Variants in GALNT6 observed in about 807,000 individuals in gnomAD.
The protein encoded by GALNT6 is polypeptide N-acetylgalactosaminyltransferase 6.
GALNT6 carries 51 observed loss-of-function variants against 65.9 expected under a neutral mutation model. The ratio of observed to expected loss-of-function variants is 0.77; its 90% CI spans 0.62 to 0.98. The LOEUF (loss-of-function observed/expected upper bound fraction) is 0.98. Among genes scored for constraint, GALNT6 ranks in the 50% least tolerant of loss-of-function variants. GALNT6 has a pLI of 0.00. For synonymous variants in GALNT6, 323 were observed against 315.1 expected (o/e 1.02, Z -0.26); for missense variants, 708 against 803.3 (o/e 0.88, Z 1.43).
chr12:51,363,218 T>G (rs1352216188), intron 6 of GALNT6, among the ~76,000 whole-genome samples: 1 of 152,170 alleles, frequency 6.6e-6, no homozygotes, highest in Non-Finnish European at 1.5e-5. Flanking sequence ...TAAAAGTCAC[T>G]CCTCAACTTG....
chr12:51,371,756 T>C (rs370136603), intron 4 of GALNT6, among the ~76,000 whole-genome samples: 168 of 152,144 alleles, frequency 1.1e-3, no homozygotes, highest in African/African-American at 3.9e-3. Flanking sequence ...TCCTCCCCCA[T>C]GGTATCAAAT....
intron 2 of GALNT6, among the ~76,000 whole-genome samples, chr12:51,390,156 CTTTTTTTTTTTT>C (rs796243349): frequency 1.7e-5 from 2 of 116,320 alleles, no homozygotes; most frequent in African/African-American, 3.3e-5. Flanking sequence ...TTCTTTCTTT[CTTTTTTTTTTTT>C]TTTTTTTTTT....
intron 2 of GALNT6, among the ~76,000 whole-genome samples, chr12:51,390,366 G>A (rs1443886848): frequency 6.6e-6 from 1 of 151,968 alleles, no homozygotes. Flanking sequence ...GTTTTGCCAT[G>A]TTGGCCAGGC....
In GALNT6 at chr12:51,352,095, A is replaced by T. The variant is rs1946626967; in HGVS notation, c.*2284T>A. 6.6e-6 allele frequency: 1 copy of T among 152,250 alleles called. No homozygotes were observed. The highest frequency in any genetic ancestry group is 1.5e-5 in the Non-Finnish European group (1 of 68,070). The allele number at this position is 152,250 out of a possible 1,614,324, so 9.4% of individuals were successfully genotyped here. ...GGAACAAAGACAGCTGTGGTCCCAT[A>T]GCACCCTCATCTGGTGACATCCTGC... is the stretch of plus-strand genomic sequence containing the variant. On this transcript the variant is annotated 3_prime_UTR_variant, in exon 12 of 12. Transcript: ENST00000356317.
chr12:51,368,371 CT>C, intron 4 of GALNT6, among the ~76,000 whole-genome samples: 1 of 145,912 alleles, frequency 6.9e-6, no homozygotes, highest in Non-Finnish European at 1.5e-5. Context: ...GGAATTTCAG[CT>C]TTTTCCTTCT....
chr12:51,371,626 G>A lies in GALNT6; in HGVS notation c.664+5569C>T, dbSNP rs189168859. Among the ~76,000 whole-genome samples the A allele has an allele frequency of 4.6e-5, 7 of 152,184 alleles. No individual in the cohort carries two copies. The East Asian group carries it at 1.2e-3, about 25-fold the overall frequency. ...TTCCCTCTAATTTAGTTAAGCTGGT[G>A]GAGTGTGCCAGACAGGGAGGGAACC... On this transcript the variant is annotated intron_variant, in intron 4 of 11. Coordinates refer to ENST00000356317, the MANE Select transcript of GALNT6 (RefSeq NM_007210.4).
At chr12:51,390,134 A>ATATT (rs1947989078) in intron 2 of GALNT6, among the ~76,000 whole-genome samples, 2 of 81,702 alleles carry the variant, frequency 2.4e-5, no homozygotes, top group African/African-American at 4.4e-5. Context: ...GAATCAAAGC[A>ATATT]TATTTCTTTC....
Position 51,379,368 on chromosome 12 carries a change from C to G in GALNT6, c.414G>C (p.Lys138Asn), listed in dbSNP as rs75650116. Residue 138 changes from lysine to asparagine, a missense_variant, in exon 3 of 12, where the codon AAG (lysine) becomes AAC (asparagine). Transcript: ENST00000356317. ...LETQEKEEGY[K>N]KHCFNAFASD... ...TGGCAAAGGCATTGAAACAGTGCTT[C>G]TTATAGCCTTCTTCCTTTTCCTGGG... The G allele has an allele frequency of 3.4e-3, 5,350 of 1,573,434 alleles. 148 individuals are homozygous for G. The African/African-American group carries it at 0.063, about 19-fold the overall frequency.
Position 51,351,934 on chromosome 12 carries a change from C to A in GALNT6, c.*2445G>T, listed in dbSNP as rs1946622049. The A allele has an allele frequency of 6.6e-6, 1 of 152,192 alleles. No individual in the cohort carries two copies. The highest frequency in any genetic ancestry group is 2.4e-5 in the African/African-American group (1 of 41,434). The allele number at this position is 152,192 out of a possible 1,614,324, so 9.4% of individuals were successfully genotyped here. ...GACCTCTCATCCAATTCTCTTCTTT[C>A]CGGGAACTTTTTCCCTTCCCTACTC... On this transcript the variant is annotated 3_prime_UTR_variant, in exon 12 of 12. Transcript: ENST00000356317.
chr12:51,378,274 C>T (rs1162582786), intron 3 of GALNT6, among the ~76,000 whole-genome samples: 1 of 152,198 alleles, frequency 6.6e-6, no homozygotes, highest in Non-Finnish European at 1.5e-5. Context: ...TGTCCTTCAG[C>T]CTTCTGAGTA....
intron 4 of GALNT6, among the ~76,000 whole-genome samples, chr12:51,368,155 G>A (rs1592329455): frequency 1.3e-5 from 2 of 150,908 alleles, no homozygotes; most frequent in South Asian, 4.2e-4. Context: ...TTTTATTCTG[G>A]AGCAGATTAA....
In GALNT6 at chr12:51,379,684, C is replaced by CAGGAGGAAGAGGAAG. The variant is rs778190731; in HGVS notation, c.97_98insCTTCCTCTTCCTCCT (p.Ser33delinsThrSerSerSerSerCys). On this transcript the variant is annotated protein_altering_variant, in exon 3 of 12. Coordinates refer to ENST00000356317, the MANE Select transcript of GALNT6 (RefSeq NM_007210.4). The stretch of plus-strand genomic sequence containing the variant: ...CGGCTTCTCTGTGGCCTCCTCTCTG[C>CAGGAGGAAGAGGAAG]TGCTCACATCCCTATGCAGGAGGAA... The CAGGAGGAAGAGGAAG allele has an allele frequency of 1.2e-6, 2 of 1,614,172 alleles. No homozygotes were observed. The highest frequency in any genetic ancestry group is 1.7e-6 in the Non-Finnish European group (2 of 1,179,988).
At position 51,379,613 on chromosome 12, in the gene GALNT6, T is replaced by G. The variant is rs763133751; in HGVS notation, c.169A>C (p.Met57Leu). 6.2e-7 allele frequency: 1 copy of G among 1,614,162 alleles called. No individual in the cohort carries two copies. Among genetic ancestry groups the G allele is most frequent in the Admixed American group, 1.7e-5 (1 of 60,026 alleles). The change falls in exon 3 of 12, where the codon ATG becomes CTG. Residue 57 changes from methionine to leucine, a missense_variant. Met to Leu is a conservative substitution (Grantham distance 15). Coordinates refer to ENST00000356317, the MANE Select transcript of GALNT6 (RefSeq NM_007210.4). ...CTAAGGTTGTTCATGGCCTCCAGCATGAGGTCCAGGACGTGATCCTTCCGG... is the reference window on the plus strand; with the variant it reads ...CTAAGGTTGTTCATGGCCTCCAGCAGGAGGTCCAGGACGTGATCCTTCCGG... Reference protein sequence around the residue: ...VSRKDHVLDLMLEAMNNLRDS... With the variant: ...VSRKDHVLDLLLEAMNNLRDS...
chr12:51,389,570 C>T (rs562204294), intron 2 of GALNT6, among the ~76,000 whole-genome samples: 1 of 152,300 alleles, frequency 6.6e-6, no homozygotes, highest in South Asian at 2.1e-4. Context: ...TTGCTCCCCA[C>T]CCAGGGAGTG....
At chr12:51,364,549 G>A (rs770455990) in intron 5 of GALNT6, among the ~76,000 whole-genome samples, 194 bp from the exon 6 acceptor site, 2 of 152,226 alleles carry the variant, frequency 1.3e-5, no homozygotes, top group Non-Finnish European at 2.9e-5. Flanking sequence ...CCCAAAGGCG[G>A]AGGCAGCTTT....
In GALNT6 at chr12:51,362,467, A is replaced by G. The variant is rs576811359; in HGVS notation, c.1050-1629T>C. ...GCTACATGAAGAGCCTCGGCAAGCCATGCATGCTACCGGGGCATGTGGGCC... is the reference window on the plus strand; with the variant it reads ...GCTACATGAAGAGCCTCGGCAAGCCGTGCATGCTACCGGGGCATGTGGGCC... On this transcript the variant is annotated intron_variant, in intron 6 of 11. Transcript: ENST00000356317. Among the ~76,000 whole-genome samples, 3 of 152,164 alleles carry G rather than the reference A, an allele frequency of 2.0e-5. No homozygotes were observed. In the South Asian group the frequency reaches 6.2e-4, roughly 31 times the overall value.
At position 51,357,406 on chromosome 12, in the gene GALNT6, G is replaced by C. The variant is rs151305171; in HGVS notation, c.1545C>G (p.Asn515Lys). Residue 515 changes from asparagine (N) to lysine (K), a missense_variant, in exon 10 of 12, where the codon AAC becomes AAG. Coordinates refer to ENST00000356317, the MANE Select transcript of GALNT6 (RefSeq NM_007210.4). ...GTNQCLDVGE[N>K]NRGGKPLIMY... is the part of the protein sequence containing the mutation. ...TGATGAGGGGCTTCCCCCCGCGGTT[G>C]TTCTCACCCACATCCAGGCATTGGT... 26 of 1,613,980 alleles carry C rather than the reference G, an allele frequency of 1.6e-5. No homozygotes were observed. Among genetic ancestry groups the C allele is most frequent in the Non-Finnish European group, 2.0e-5 (24 of 1,179,964 alleles).
chr12:51,391,081 C>G (rs1486517834), intron 1 of GALNT6, 144 bp from the exon 2 acceptor site: 1 of 152,400 alleles, frequency 6.6e-6, no homozygotes, highest in Non-Finnish European at 1.5e-5. Flanking sequence ...CTCAGACCGA[C>G]CTCCACCAGC....
chr12:51,384,867 A>C (rs1056770085), intron 2 of GALNT6, among the ~76,000 whole-genome samples: 1 of 152,228 alleles, frequency 6.6e-6, no homozygotes, highest in African/African-American at 2.4e-5. Flanking sequence ...CCTAGGCAAT[A>C]GAGCGAGACC....
Sources: allele counts gnomAD v4.1 joint callset (sites outside exome capture counted in the v4.1 genomes callset), GRCh38; gene constraint gnomAD v4.1.1; transcripts MANE v1.5; gene names NCBI Gene and HGNC (gene_info 2026-07-23, HGNC 2026-07-21).